Variants in DMD observed in about 807,000 individuals in gnomAD.
The protein encoded by DMD is mutant dystrophin.
In DMD, 63 loss-of-function variants were observed where a neutral mutation model predicts 330.1. The ratio of observed to expected loss-of-function variants is 0.19; its 90% CI spans 0.16 to 0.24. DMD has a LOEUF of 0.24. Ranked by LOEUF, DMD falls within the 10% of genes least tolerant of loss-of-function variation. DMD has a pLI of 1.00. For synonymous variants in DMD, 1,223 were observed against 959.8 expected, an observed-to-expected ratio of 1.27 and a Z score of -5.07; for missense variants, 3,344 against 2,684.1, an observed-to-expected ratio of 1.25 and a Z score of -5.43.
intron 51 of DMD, among the ~76,000 whole-genome samples, chrX:31,747,907 C>A (rs2087991013): frequency 8.9e-6 from 1 of 112,191 alleles, no homozygotes; most frequent in Non-Finnish European, 1.9e-5. Flanking sequence ...GTAATCCCTG[C>A]AGAAAGGCTG....
chrX:31,683,863 G>T (rs1239621691), intron 52 of DMD, among the ~76,000 whole-genome samples: 4 of 112,403 alleles, frequency 3.6e-5, no homozygotes, highest in Non-Finnish European at 7.5e-5. Flanking sequence ...TATCTACACT[G>T]TCTGAAGCTC....
intron 44 of DMD, among the ~76,000 whole-genome samples, chrX:32,204,067 CT>C (rs1001800206): frequency 1.8e-5 from 2 of 111,471 alleles, no homozygotes; most frequent in African/African-American, 6.5e-5. Flanking sequence ...TTTAAGGTCT[CT>C]TAGGAAGACC....
chrX:32,531,559 T>C (rs775322621), intron 17 of DMD, among the ~76,000 whole-genome samples: 1 of 111,712 alleles, frequency 9.0e-6, no homozygotes, highest in African/African-American at 3.2e-5. Context: ...GAAAACTTAA[T>C]CGCTCAAGAA....
chrX:32,921,043 C>T (rs921970868), intron 2 of DMD, among the ~76,000 whole-genome samples: 2 of 111,842 alleles, frequency 1.8e-5, no homozygotes, highest in Admixed American at 9.5e-5. Context: ...GGAATAGAGG[C>T]CTTCATTACT....
chrX:31,202,412 T>C (rs2043580503), intron 67 of DMD, among the ~76,000 whole-genome samples: 2 of 111,976 alleles, frequency 1.8e-5, no homozygotes, highest in South Asian at 7.5e-4. Context: ...GGAAAAGATA[T>C]TTATTTCTCC....
intron 7 of DMD, among the ~76,000 whole-genome samples, chrX:32,797,048 A>G (rs550124811): frequency 8.9e-6 from 1 of 111,976 alleles, no homozygotes; most frequent in Non-Finnish European, 1.9e-5. Flanking sequence ...TACCAACCTA[A>G]TATCTATTTT....
chrX:31,759,138 G>GA (rs2089364903), intron 51 of DMD, among the ~76,000 whole-genome samples: 1 of 110,771 alleles, frequency 9.0e-6, no homozygotes, highest in African/African-American at 3.3e-5. Context: ...AAGAAAACCA[G>GA]AAAAAAATAT....
chrX:31,228,245 T>A (rs1186031308), intron 63 of DMD, among the ~76,000 whole-genome samples: 7 of 89,943 alleles, frequency 7.8e-5, no homozygotes, highest in African/African-American at 3.1e-4. Flanking sequence ...ACCCTAAAAC[T>A]TAAAGTATAA....
chrX:32,482,747 G>T (rs1260725826), intron 21 of DMD, among the ~76,000 whole-genome samples: 1 of 111,334 alleles, frequency 9.0e-6, no homozygotes, highest in Non-Finnish European at 1.9e-5. Context: ...GTAAAATGAT[G>T]TATAAATTAG....
At chrX:31,409,428 T>C (rs759568300) in intron 60 of DMD, among the ~76,000 whole-genome samples, 14 of 112,303 alleles carry the variant, frequency 1.2e-4, no homozygotes, top group African/African-American at 3.9e-4. Context: ...GAACCCCTCC[T>C]TTACTACAAT....
intron 37 of DMD, among the ~76,000 whole-genome samples, chrX:32,357,956 A>G (rs2097811629): frequency 9.2e-6 from 1 of 109,264 alleles, no homozygotes; most frequent in Admixed American, 1.0e-4. Flanking sequence ...TGCTAAACTC[A>G]CTTACCATGC....
chrX:31,267,362 T>G (rs1390375876), intron 62 of DMD, among the ~76,000 whole-genome samples: 1 of 112,265 alleles, frequency 8.9e-6, no homozygotes, highest in African/African-American at 3.2e-5. Context: ...CAGTTGAAGA[T>G]TAAAGTGGCC....
chrX:32,666,716 C>T (rs2061325148), intron 9 of DMD, among the ~76,000 whole-genome samples: 1 of 109,151 alleles, frequency 9.2e-6, no homozygotes, highest in Middle Eastern at 4.3e-3. Context: ...GTAGTCCCAT[C>T]TACTTGGGAG....
rs187739158 is a variant in DMD, at chrX:31,460,309, C to A, written c.8938-15682G>T. On this transcript the variant is annotated intron_variant, in intron 59 of 78. Coordinates refer to ENST00000357033, the MANE Select transcript of DMD (RefSeq NM_004006.3). Reference sequence around the variant, plus strand: ...TCTATACACAAAAATATACCCTCCCCCTGAACACAGAGCCTCAAGGGGTGG... The same window carrying A: ...TCTATACACAAAAATATACCCTCCCACTGAACACAGAGCCTCAAGGGGTGG... Among the ~76,000 whole-genome samples the A allele has an allele frequency of 1.2e-4, 13 of 111,244 alleles. No individual in the cohort carries two copies. In the East Asian group the frequency reaches 3.4e-3, roughly 29 times the overall value.
intron 2 of DMD, among the ~76,000 whole-genome samples, chrX:33,019,434 A>T (rs993468965): frequency 9.0e-6 from 1 of 111,380 alleles, no homozygotes; most frequent in Non-Finnish European, 1.9e-5. Context: ...GACTCACCAA[A>T]CATTTGATTG....
At position 31,604,606 on chromosome X, in the gene DMD, G is replaced by C. The variant is rs186570981; in HGVS notation, c.8217+23067C>G. Among the ~76,000 whole-genome samples the C allele has an allele frequency of 1.2e-4, 14 of 112,014 alleles. No individual in the cohort carries two copies. The East Asian group carries it at 3.9e-3, about 31-fold the overall frequency. ...GTTCCTCAGCATATTTTTCCTTTAAGTACCAAACAGGTATATGAATTTAGA... is the reference window on the plus strand; with the variant it reads ...GTTCCTCAGCATATTTTTCCTTTAACTACCAAACAGGTATATGAATTTAGA... On this transcript the variant is annotated intron_variant, in intron 55 of 78. Transcript: ENST00000357033.
chrX:33,079,826 A>T (rs192396807), intron 1 of DMD, among the ~76,000 whole-genome samples: 1 of 111,828 alleles, frequency 8.9e-6, no homozygotes, highest in Admixed American at 9.6e-5. Context: ...CTTTATTCTG[A>T]CAGAGGAGAC....
At chrX:32,333,258 C>A (rs2097689780) in intron 41 of DMD, among the ~76,000 whole-genome samples, 1 of 111,595 alleles carries the variant, frequency 9.0e-6, no homozygotes, top group Non-Finnish European at 1.9e-5. Flanking sequence ...GCTTAAAGAC[C>A]AATCTTGACG....
At chrX:31,693,499 T>A (rs1345690187) in intron 52 of DMD, among the ~76,000 whole-genome samples, 1 of 111,690 alleles carries the variant, frequency 9.0e-6, no homozygotes, top group African/African-American at 3.2e-5. Flanking sequence ...TTCTTGCTGA[T>A]GACATAATCT....
Sources: allele counts gnomAD v4.1 joint callset (sites outside exome capture counted in the v4.1 genomes callset), GRCh38; gene constraint gnomAD v4.1.1; transcripts MANE v1.5; gene names NCBI Gene and HGNC (gene_info 2026-07-23, HGNC 2026-07-21).